ZNF568: variants seen among roughly 807,000 people sequenced by gnomAD.
The protein encoded by ZNF568 is p53 inhibitor of SCO2 activation.
In ZNF568, 11 loss-of-function variants were observed where a neutral mutation model predicts 18.1. The ratio of observed to expected loss-of-function variants is 0.61; its 90% CI spans 0.38 to 1.00. The LOEUF (loss-of-function observed/expected upper bound fraction) is 1.00, where lower values mean the gene tolerates loss of function less well. Ranked by LOEUF, ZNF568 falls within the 50% of genes least tolerant of loss-of-function variation. The probability of loss-of-function intolerance (pLI) is 0.01; values close to 1 mark genes in which losing one functional copy is unlikely to be tolerated. For synonymous variants in ZNF568, 213 were observed against 246.6 expected (o/e 0.86, Z 1.28); for missense variants, 639 against 768.2 (o/e 0.83, Z 1.99).
chr19:36,986,845 C>G (rs999505794), intron 2 of ZNF568, among the ~76,000 whole-genome samples: 1 of 152,120 alleles, frequency 6.6e-6, no homozygotes, highest in African/African-American at 2.4e-5. Context: ...CACAGCAGAC[C>G]TAGCATTTTC....
intron 5 of ZNF568, 117 bp from the exon 6 acceptor site, chr19:36,937,030 A>G: frequency 2.2e-6 from 3 of 1,354,992 alleles, no homozygotes; most frequent in Admixed American, 2.1e-5. Flanking sequence ...ACTTTGTGTC[A>G]TTGTGTAAGT....
chr19:36,943,192 C>T lies in ZNF568; in HGVS notation c.358+5950C>T, dbSNP rs76899317. On this transcript the variant is annotated intron_variant, in intron 6 of 6. Transcript: ENST00000333987. ...TTGCATCTTATGTCAGTTTGTCCCA[C>T]TTACAGACATAATTGAGATTGATCA... is the stretch of plus-strand genomic sequence containing the variant. Among the ~76,000 whole-genome samples, 802 of 152,322 alleles carry T rather than the reference C, an allele frequency of 5.3e-3. 33 individuals carry two copies. In the East Asian group the frequency reaches 0.081, roughly 15 times the overall value.
rs564404763 is a variant in ZNF568 at position 36,951,128 on chromosome 19, A to C, written c.*40A>C. On this transcript the variant is annotated 3_prime_UTR_variant, in exon 7 of 7. Coordinates refer to ENST00000333987, the MANE Select transcript of ZNF568 (RefSeq NM_198539.4). ...CTTAAATTCAACCCATGTTTTACTT[A>C]AAATATCTTGGCATAAGCTCAAAAA... 6 of 1,474,194 alleles carry C rather than the reference A, an allele frequency of 4.1e-6. No individual in the cohort carries two copies. In the African/African-American group the frequency reaches 8.5e-5, roughly 21 times the overall value. 91.3% of individuals were successfully genotyped at this position (1,474,194 alleles called of 1,614,324 possible).
At chr19:36,996,946 G>A in exon 5 of ZNF568, 1 of 1,538,104 alleles carries the variant, frequency 6.5e-7, no homozygotes, top group Non-Finnish European at 8.7e-7. Context: ...GATCCATACT[G>A]ATGAGAAATA....
rs546725442 is a variant in ZNF568 at position 36,975,543 on chromosome 19, G to A, written c.405+1077G>A. ...TGGGACTACAGGCGCATGCCACCAC[G>A]CCCAGCTAATTTTTCTATTTTTAGT... On this transcript the variant is annotated intron_variant, in intron 7 of 7. Coordinates refer to the ZNF568 transcript ENST00000427117. Among the ~76,000 whole-genome samples the A allele has an allele frequency of 1.1e-4, 17 of 151,962 alleles. No homozygotes were observed. The South Asian group carries it at 1.2e-3, about 11-fold the overall frequency.
chr19:36,942,746 T>G (rs1037573354), intron 6 of ZNF568, among the ~76,000 whole-genome samples: 12 of 152,298 alleles, frequency 7.9e-5, no homozygotes, highest in African/African-American at 2.9e-4. Context: ...TTTGTTTTTT[T>G]GCTGAACTAC....
intron 6 of ZNF568, among the ~76,000 whole-genome samples, chr19:36,939,790 C>T (rs1175747614): frequency 6.6e-6 from 1 of 152,060 alleles, no homozygotes; most frequent in Non-Finnish European, 1.5e-5. Flanking sequence ...CCGCCCACCT[C>T]GGCCTCCCAA....
chr19:36,933,528 T>A (rs1443888191), intron 4 of ZNF568, among the ~76,000 whole-genome samples: 1 of 152,176 alleles, frequency 6.6e-6, no homozygotes, highest in Non-Finnish European at 1.5e-5. Context: ...ATTGGTATGA[T>A]GTATTACATT....
downstream of ZNF568, chr19:36,979,911 G>A (rs143422214): frequency 6.6e-6 from 1 of 152,040 alleles, no homozygotes; most frequent in Non-Finnish European, 1.5e-5. Context: ...TTACGCACTT[G>A]GGTATGAGTT....
chr19:36,996,439 C>T lies in ZNF568; in HGVS notation c.352C>T (p.Gln118Ter), dbSNP rs1208406544. The stretch of plus-strand genomic sequence containing the variant: ...AATCAGATGCCAGGTGGAGAGACAA[C>T]AGGGTCATCAGGAGGGACATTTCAG... Residue 118 changes from glutamine to a stop codon, truncating the protein, a stop_gained, in exon 5 of 5, where the codon CAG (glutamine) becomes TAG (stop). Coordinates refer to the ZNF568 transcript ENST00000433993. LOFTEE classifies it low-confidence loss of function (END_TRUNC). 3 of 1,536,260 alleles carry T rather than the reference C, an allele frequency of 2.0e-6. No individual in the cohort carries two copies. Among genetic ancestry groups the T allele is most frequent in the African/African-American group, 2.7e-5 (2 of 73,014 alleles).
At position 36,950,883 on chromosome 19, in the gene ZNF568, T is replaced by G. The variant is rs750806095; in HGVS notation, c.1730T>G (p.Val577Gly). ...CGAATCTCATCCCTCACTCTTCATG[T>G]GAGAAGTCACACAGGGGAGAAACCC... The part of the protein sequence containing the change: ...FSRISSLTLH[V>G]RSHTGEKPYE... Residue 577 changes from valine (V) to glycine (G), a missense_variant, in exon 7 of 7, where the codon GTG becomes GGG. Physicochemically the swap from Val to Gly is moderately radical, Grantham distance 109 (BLOSUM62 -3). Coordinates refer to ENST00000333987, the MANE Select transcript of ZNF568 (RefSeq NM_198539.4). 2 of 1,613,324 alleles carry G rather than the reference T, an allele frequency of 1.2e-6. No individual in the cohort carries two copies. Among genetic ancestry groups the G allele is most frequent in the East Asian group, 2.2e-5 (1 of 44,838 alleles).
chr19:36,919,609 C>A (rs537307016), intron 2 of ZNF568, among the ~76,000 whole-genome samples: 98 of 152,256 alleles, frequency 6.4e-4, no homozygotes, highest in Middle Eastern at 6.8e-3. Flanking sequence ...GAAGGTGGAG[C>A]TCAGGCGGTA....
intron 7 of ZNF568, among the ~76,000 whole-genome samples, chr19:36,977,960 A>T (rs188515749): frequency 6.6e-6 from 1 of 152,320 alleles, no homozygotes; most frequent in African/African-American, 2.4e-5. Flanking sequence ...GGTCTCCCCA[A>T]CATCCAGTGA....
chr19:36,963,244 T>C (rs954529945), intron 6 of ZNF568, among the ~76,000 whole-genome samples: 5 of 100,554 alleles, frequency 5.0e-5, no homozygotes, highest in African/African-American at 9.6e-5. Flanking sequence ...CTAGGTAGTA[T>C]ATGGAGATAC....
At chr19:36,992,657 A>G (rs1171715986) in intron 4 of ZNF568, among the ~76,000 whole-genome samples, 1 of 152,058 alleles carries the variant, frequency 6.6e-6, no homozygotes, top group Non-Finnish European at 1.5e-5. Flanking sequence ...TTTTGTCCTG[A>G]CTTTTTAAAA....
At chr19:36,991,481 C>A in intron 3 of ZNF568, 1 of 806,676 alleles carries the variant, frequency 1.2e-6, no homozygotes, top group Non-Finnish European at 1.8e-6. Flanking sequence ...TTGGCTGTTC[C>A]AGCAGGCACC....
At chr19:36,990,499 C>G (rs374184715) in intron 2 of ZNF568, among the ~76,000 whole-genome samples, 3 of 152,266 alleles carry the variant, frequency 2.0e-5, no homozygotes, top group African/African-American at 7.2e-5. Context: ...CCTGTGGTCC[C>G]AGCTACTCAG....
chr19:36,949,146 GTGT>G (rs1183856706), intron 6 of ZNF568, among the ~76,000 whole-genome samples: 1 of 152,088 alleles, frequency 6.6e-6, no homozygotes, highest in East Asian at 1.9e-4. Context: ...TCAAGCCTGT[GTGT>G]TTAGTCACAA....
chr19:36,958,451 G>A (rs553327083), intron 6 of ZNF568, among the ~76,000 whole-genome samples: 8 of 151,922 alleles, frequency 5.3e-5, no homozygotes, highest in African/African-American at 1.9e-4. Flanking sequence ...ATAGATACAG[G>A]CCTGTTTGGA....
Sources: allele counts gnomAD v4.1 joint callset (sites outside exome capture counted in the v4.1 genomes callset), GRCh38; gene constraint gnomAD v4.1.1; transcripts MANE v1.5; gene names NCBI Gene and HGNC (gene_info 2026-07-23, HGNC 2026-07-21).